CNOT6L: variants seen among roughly 807,000 people sequenced by gnomAD.
CNOT6L encodes CCR4-NOT transcription complex subunit 6 like.
CNOT6L carries 7 observed loss-of-function variants against 64.0 expected under a neutral mutation model. That is an observed-to-expected ratio of 0.11 (90% CI 0.06 to 0.21). The LOEUF (loss-of-function observed/expected upper bound fraction) is 0.21, where lower values mean the gene tolerates loss of function less well. Among genes scored for constraint, CNOT6L ranks in the 10% least tolerant of loss-of-function variants. The pLI is 1.00. For missense variants in CNOT6L, 245 were observed against 669.0 expected (o/e 0.37, Z 6.99); for synonymous variants, 193 against 243.4 (o/e 0.79, Z 1.93).
rs1406154667 is a variant in CNOT6L at position 77,718,093 on chromosome 4, A to G, written c.*2338T>C. ...TATTAAAAAAGTTTTTTATTAATAA[A>G]TGGGCTCCTCTGTGGTTCATATACA... On this transcript the variant is annotated 3_prime_UTR_variant, in exon 12 of 12. Transcript: ENST00000504123. 6.6e-6 allele frequency: 1 copy of G among 152,486 alleles called. No individual in the cohort carries two copies. The allele number at this position is 152,486 out of a possible 1,614,324, so 9.4% of individuals were successfully genotyped here. A position where few individuals can be genotyped will look rare whatever the true frequency, so the allele number is the denominator to read the frequency against.
rs1458534918 is a variant in CNOT6L, at chr4:77,716,192, A to G, written c.*4239T>C. 1.3e-5 allele frequency: 2 copies of G among 152,130 alleles called. No homozygotes were observed. Among genetic ancestry groups the G allele is most frequent in the East Asian group, 3.9e-4 (2 of 5,180 alleles). 9.4% of individuals were successfully genotyped at this position (152,130 alleles called of 1,614,324 possible). A position where few individuals can be genotyped will look rare whatever the true frequency, so the allele number is the denominator to read the frequency against. On this transcript the variant is annotated 3_prime_UTR_variant, in exon 12 of 12. Transcript: ENST00000504123. ...GAATTCACATTTCTGTCAAAATGTA[A>G]GTATGTATGAGTGCTATTTTGAAAA... is the stretch of plus-strand genomic sequence containing the variant.
At chr4:77,746,199 G>A (rs769393184) in intron 6 of CNOT6L, among the ~76,000 whole-genome samples, 1 of 152,286 alleles carries the variant, frequency 6.6e-6, no homozygotes, top group Middle Eastern at 3.4e-3. Flanking sequence ...AAAAAGATCA[G>A]AGATTGCAAT....
intron 1 of CNOT6L, among the ~76,000 whole-genome samples, chr4:77,794,051 G>A (rs868692893): frequency 2.7e-5 from 4 of 148,586 alleles, no homozygotes; most frequent in Middle Eastern, 3.2e-3. Context: ...ACTTGGGAGG[G>A]TGAGGCAGGA....
chr4:77,737,417 T>C (rs1723090016), intron 8 of CNOT6L, among the ~76,000 whole-genome samples: 3 of 4,666 alleles, frequency 6.4e-4, no homozygotes, highest in Admixed American at 3.3e-3. Flanking sequence ...TTTTTTTTTT[T>C]TTTTTTTTTT....
At chr4:77,806,795 A>G (rs1442075390) in intron 1 of CNOT6L, among the ~76,000 whole-genome samples, 1 of 152,102 alleles carries the variant, frequency 6.6e-6, no homozygotes, top group Non-Finnish European at 1.5e-5. Context: ...CGAGCCCTAG[A>G]AGTTAACCAG....
intron 1 of CNOT6L, among the ~76,000 whole-genome samples, chr4:77,810,577 T>C (rs1732812244): frequency 2.0e-5 from 3 of 152,188 alleles, no homozygotes; most frequent in Admixed American, 2.0e-4. Flanking sequence ...ATACATACAA[T>C]GTGTAGCGAT....
chr4:77,765,246 C>A (rs758134867), intron 4 of CNOT6L, among the ~76,000 whole-genome samples: 6 of 152,136 alleles, frequency 3.9e-5, no homozygotes, highest in Non-Finnish European at 5.9e-5. Flanking sequence ...AAAAATCACC[C>A]CTTGTTTAGC....
intron 5 of CNOT6L, among the ~76,000 whole-genome samples, chr4:77,750,672 G>C (rs1381237986): frequency 6.6e-6 from 1 of 152,144 alleles, no homozygotes; most frequent in Non-Finnish European, 1.5e-5. Flanking sequence ...GTTTTTTAAA[G>C]ATGAAACTAC....
Position 77,719,792 on chromosome 4 carries a change from A to G in CNOT6L, c.*639T>C, listed in dbSNP as rs1245760649. On this transcript the variant is annotated 3_prime_UTR_variant, in exon 12 of 12. Transcript: ENST00000504123. ...TTCCTCAAAAAAACTCCAAACCAGC[A>G]TTTGGCCAACAAATTGTCATGTGGT... 1.3e-5 allele frequency: 2 copies of G among 152,628 alleles called. No homozygotes were observed. The highest frequency in any genetic ancestry group is 2.9e-5 in the Non-Finnish European group (2 of 68,032). 9.5% of individuals were successfully genotyped at this position (152,628 alleles called of 1,614,324 possible).
upstream of CNOT6L, chr4:77,819,544 G>A (rs1398513603): frequency 1.8e-6 from 1 of 550,084 alleles, no homozygotes; most frequent in Non-Finnish European, 2.8e-6. Flanking sequence ...CGGGCGCGCA[G>A]GGAACCCGGG....
At chr4:77,757,279 T>C (rs529316808) in intron 4 of CNOT6L, among the ~76,000 whole-genome samples, 2 of 152,256 alleles carry the variant, frequency 1.3e-5, no homozygotes, top group East Asian at 1.9e-4. Context: ...CCTGCATTTA[T>C]CTTTTAAGAC....
chr4:77,746,536 T>G (rs181772060), intron 6 of CNOT6L, among the ~76,000 whole-genome samples: 92 of 152,308 alleles, frequency 6.0e-4, no homozygotes. Flanking sequence ...TCCACACTAG[T>G]TTTTCAATAA....
At chr4:77,738,591 T>G (rs1286515753) in intron 8 of CNOT6L, among the ~76,000 whole-genome samples, 2 of 151,884 alleles carry the variant, frequency 1.3e-5, no homozygotes, top group Non-Finnish European at 2.9e-5. Context: ...CTGTCTCTAC[T>G]AAAAACACAA....
At chr4:77,734,165 A>G (rs1394394016) in intron 8 of CNOT6L, among the ~76,000 whole-genome samples, 1 of 152,150 alleles carries the variant, frequency 6.6e-6, no homozygotes, top group East Asian at 1.9e-4. Context: ...AAATGTTTTG[A>G]TCTTTTTGCT....
chr4:77,720,911 G>A (rs1453213103), intron 11 of CNOT6L, among the ~76,000 whole-genome samples: 1 of 152,122 alleles, frequency 6.6e-6, no homozygotes, highest in Non-Finnish European at 1.5e-5. Context: ...ATTATGTCTA[G>A]TCATCTTTAG....
chr4:77,753,996 T>C (rs1003356490), intron 5 of CNOT6L, among the ~76,000 whole-genome samples: 1 of 151,696 alleles, frequency 6.6e-6, no homozygotes, highest in African/African-American at 2.4e-5. Flanking sequence ...ACAGTGAATA[T>C]GATACTTAAT....
At chr4:77,737,971 G>A (rs1354421126) in intron 8 of CNOT6L, among the ~76,000 whole-genome samples, 1 of 152,062 alleles carries the variant, frequency 6.6e-6, no homozygotes, top group Non-Finnish European at 1.5e-5. Context: ...ATAACTGAGA[G>A]ACCAGTGAGA....
At chr4:77,763,420 TATTGGGTTCA>T (rs1726463348) in intron 4 of CNOT6L, among the ~76,000 whole-genome samples, 1 of 152,086 alleles carries the variant, frequency 6.6e-6, no homozygotes, top group Non-Finnish European at 1.5e-5. Context: ...CAGTACCTAG[TATTGGGTTCA>T]ATTCACCAAA....
At chr4:77,727,810 G>A (rs1415883504) in intron 10 of CNOT6L, among the ~76,000 whole-genome samples, 1 of 152,132 alleles carries the variant, frequency 6.6e-6, no homozygotes, top group Non-Finnish European at 1.5e-5. Flanking sequence ...TGGTTAAAGT[G>A]CCAATTAGGC....
Sources: gnomAD v4.1 joint callset for allele counts (sites outside exome capture counted in the v4.1 genomes callset) on GRCh38, gnomAD v4.1.1 for gene constraint, MANE v1.5 for transcripts, NCBI Gene and HGNC (gene_info 2026-07-23, HGNC 2026-07-21) for gene names.